P2RY11: variants seen among roughly 807,000 people sequenced by gnomAD.
P2RY11 encodes purinergic receptor P2Y11.
In P2RY11, 3 loss-of-function variants were observed where a neutral mutation model predicts 2.4. That is an observed-to-expected ratio of 1.22 (90% CI 0.56 to 3.17). The LOEUF is 3.17. Ranked by LOEUF, P2RY11 falls within the 30% of genes most tolerant of loss-of-function variation. P2RY11 has a pLI of 0.03. For missense variants in P2RY11, 670 were observed against 528.2 expected, an observed-to-expected ratio of 1.27 and a Z score of -2.63; for synonymous variants, 307 against 237.3, an observed-to-expected ratio of 1.29 and a Z score of -2.70.
In P2RY11 at chr19:10,113,576, A is replaced by G; in HGVS notation, c.20-57A>G. 5.1e-6 allele frequency: 8 copies of G among 1,553,802 alleles called. 1 individual carries two copies. Among genetic ancestry groups the G allele is most frequent in the South Asian group, 2.4e-5 (2 of 83,582 alleles). On this transcript the variant is annotated intron_variant, in intron 1 of 1. Coordinates refer to ENST00000321826, the MANE Select transcript of P2RY11 (RefSeq NM_002566.5). ...CATGGCAGACGTGGGCTCTTGGGGT[A>G]GCAGGAGCCGCCTTATGGGGGAATA...
Position 10,115,349 on chromosome 19 carries a change from T to C in P2RY11, c.*611T>C. The stretch of plus-strand genomic sequence containing the variant: ...TCTGCCCGGTTTTGGAAAAAAACAA[T>C]AAAGGACTGTCCCCTCAAAACCAGC... On this transcript the variant is annotated 3_prime_UTR_variant, in exon 2 of 2. Coordinates refer to ENST00000321826, the MANE Select transcript of P2RY11 (RefSeq NM_002566.5). 2 of 1,207,348 alleles carry C rather than the reference T, an allele frequency of 1.7e-6. No homozygotes were observed. The highest frequency in any genetic ancestry group is 2.3e-6 in the Non-Finnish European group (2 of 869,024). 74.8% of individuals were successfully genotyped at this position (1,207,348 alleles called of 1,614,324 possible). A position where few individuals can be genotyped will look rare whatever the true frequency, so the allele number is the denominator to read the frequency against.
At position 10,113,903 on chromosome 19, in the gene P2RY11, A is replaced by AT. The variant is rs1568490796; in HGVS notation, c.291dup (p.Gly98TrpfsTer109). The AT allele has an allele frequency of 1.4e-5, 23 of 1,607,508 alleles. No individual in the cohort carries two copies. Among genetic ancestry groups the AT allele is most frequent in the Non-Finnish European group, 1.9e-5 (23 of 1,179,792 alleles). On this transcript the variant is annotated frameshift_variant, in exon 2 of 2. Coordinates refer to ENST00000321826, the MANE Select transcript of P2RY11 (RefSeq NM_002566.5). LOFTEE classifies it low-confidence loss of function (END_TRUNC). The stretch of plus-strand genomic sequence containing the variant: ...CTCTATCCCCCCAAGCACTGGCGCT[A>AT]TGGGGAGGCCGCGTGCCGCCTGGAG...
chr19:10,113,682 C>A lies in P2RY11; in HGVS notation c.69C>A (p.Leu23=). The change falls in exon 2 of 2, where the codon CTC becomes CTA. Residue 23 remains leucine (L), a synonymous_variant. Transcript: ENST00000321826. ...ANFLAAADDK[L]SGFQGDFLWP... is the part of the protein sequence containing the mutation. ...TCTTGGCAGCTGCCGACGACAAACT[C>A]AGTGGGTTCCAGGGGGACTTCCTGT... 6.9e-6 allele frequency: 11 copies of A among 1,600,722 alleles called. No individual in the cohort carries two copies. The highest frequency in any genetic ancestry group is 5.1e-5 in the Admixed American group (3 of 58,850).
rs371899379 is a variant in P2RY11, at chr19:10,114,302, G to A, written c.689G>A (p.Arg230Gln). 3.3e-5 allele frequency: 52 copies of A among 1,597,906 alleles called. No homozygotes were observed. The highest frequency in any genetic ancestry group is 1.3e-4 in the East Asian group (6 of 44,776). Residue 230 changes from arginine (R) to glutamine (Q), a missense_variant, in exon 2 of 2, where the codon CGG becomes CAG. By Grantham distance (43) the Arg-to-Gln change is conservative. Transcript: ENST00000321826. Reference sequence around the variant, plus strand: ...CTGGCAGCCTACGGCGCCCTCGGGCGGGCCGTGCTACGCAGCCCAGGCATG... The same window carrying A: ...CTGGCAGCCTACGGCGCCCTCGGGCAGGCCGTGCTACGCAGCCCAGGCATG... ...LTLAAYGALGRAVLRSPGMTV... is the reference protein window; with the variant it reads ...LTLAAYGALGQAVLRSPGMTV...
At position 10,113,687 on chromosome 19, in the gene P2RY11, G is replaced by GA; in HGVS notation, c.74_75insA (p.Phe26ValfsTer13). On this transcript the variant is annotated frameshift_variant, in exon 2 of 2. Transcript: ENST00000321826. LOFTEE classifies it low-confidence loss of function (END_TRUNC). ...GCAGCTGCCGACGACAAACTCAGTG[G>GA]GTTCCAGGGGGACTTCCTGTGGCCC... 3.8e-6 allele frequency: 6 copies of GA among 1,566,298 alleles called. No individual in the cohort carries two copies. The highest frequency in any genetic ancestry group is 1.8e-5 in the Admixed American group (1 of 56,524).
Position 10,114,773 on chromosome 19 carries a change from T to C in P2RY11, c.*35T>C. ...GCGGAAGCTGCCTCCTCACCCTAGGTGTTGCTGGAGAACCCTGAGGGCAGG... is the reference window on the plus strand; with the variant it reads ...GCGGAAGCTGCCTCCTCACCCTAGGCGTTGCTGGAGAACCCTGAGGGCAGG... On this transcript the variant is annotated 3_prime_UTR_variant, in exon 2 of 2. Transcript: ENST00000321826. 6.4e-7 allele frequency: 1 copy of C among 1,564,790 alleles called. No individual in the cohort carries two copies. Among genetic ancestry groups the C allele is most frequent in the Non-Finnish European group, 8.7e-7 (1 of 1,153,494 alleles).
rs189865958 is a variant in P2RY11, at chr19:10,114,501, G to A, written c.888G>A (p.Glu296=). The A allele has an allele frequency of 6.2e-7, 1 of 1,610,066 alleles. No homozygotes were observed. The highest frequency in any genetic ancestry group is 1.3e-5 in the African/African-American group (1 of 74,998). ...ADIAQATAAL[E]LGPYVGYQVM... is the part of the protein sequence containing the mutation. ...TAGCCCAGGCCACAGCAGCCCTGGAGCTGGGGCCCTACGTGGGCTACCAGG... is the reference window on the plus strand; with the variant it reads ...TAGCCCAGGCCACAGCAGCCCTGGAACTGGGGCCCTACGTGGGCTACCAGG... The change falls in exon 2 of 2, where the codon GAG becomes GAA. Residue 296 remains glutamate, a synonymous_variant. Coordinates refer to ENST00000321826, the MANE Select transcript of P2RY11 (RefSeq NM_002566.5).
chr19:10,113,682 C>T lies in P2RY11; in HGVS notation c.69C>T (p.Leu23=), dbSNP rs765733848. The change falls in exon 2 of 2, where the codon CTC becomes CTT. Residue 23 remains leucine (L), a synonymous_variant. Coordinates refer to ENST00000321826, the MANE Select transcript of P2RY11 (RefSeq NM_002566.5). ...TCTTGGCAGCTGCCGACGACAAACT[C>T]AGTGGGTTCCAGGGGGACTTCCTGT... ...ANFLAAADDK[L]SGFQGDFLWP... is the part of the protein sequence containing the mutation. 1.9e-6 allele frequency: 3 copies of T among 1,600,794 alleles called. No individual in the cohort carries two copies. The highest frequency in any genetic ancestry group is 1.7e-4 in the Middle Eastern group (1 of 6,034).
At chr19:10,112,767 T>G (rs1057170215) in intron 1 of P2RY11, among the ~76,000 whole-genome samples, 1 of 152,134 alleles carries the variant, frequency 6.6e-6, no homozygotes. Flanking sequence ...AAACCCCATC[T>G]CTACTAAAAA....
chr19:10,114,727 C>G lies in P2RY11; in HGVS notation c.1114C>G (p.Leu372Val). The change falls in exon 2 of 2, where the codon CTG (leucine) becomes GTG (valine). Residue 372 changes from leucine (L) to valine (V), a missense_variant. Coordinates refer to ENST00000321826, the MANE Select transcript of P2RY11 (RefSeq NM_002566.5). Reference sequence around the variant, plus strand: ...ACCGTCAGAGCCCCAGTCCCGTGAGCTGAGCCAATGATGTGGCCTAGCGGA... The same window carrying G: ...ACCGTCAGAGCCCCAGTCCCGTGAGGTGAGCCAATGATGTGGCCTAGCGGA... ...PKPSEPQSRE[L>V]SQ The G allele has an allele frequency of 6.2e-7, 1 of 1,605,364 alleles. No homozygotes were observed. The highest frequency in any genetic ancestry group is 1.1e-5 in the South Asian group (1 of 90,270).
chr19:10,113,267 C>T (rs977431779), intron 1 of P2RY11, among the ~76,000 whole-genome samples: 2 of 152,146 alleles, frequency 1.3e-5, no homozygotes, highest in South Asian at 2.1e-4. Flanking sequence ...TGGACCCCCA[C>T]GGGGCTTTGG....
rs746215320 is a variant in P2RY11 at position 10,115,152 on chromosome 19, G to T, written c.*414G>T. Reference sequence around the variant, plus strand: ...GGCCTGGGGTAGGGGAGGGTGGCAGGTATAAGACTTCTGGGGGCACCCCAA... The same window carrying T: ...GGCCTGGGGTAGGGGAGGGTGGCAGTTATAAGACTTCTGGGGGCACCCCAA... On this transcript the variant is annotated 3_prime_UTR_variant, in exon 2 of 2. Coordinates refer to ENST00000321826, the MANE Select transcript of P2RY11 (RefSeq NM_002566.5). 1.2e-6 allele frequency: 2 copies of T among 1,613,366 alleles called. No homozygotes were observed. Among genetic ancestry groups the T allele is most frequent in the African/African-American group, 2.7e-5 (2 of 74,910 alleles).
rs1227620006 is a variant in P2RY11 at position 10,113,681 on chromosome 19, TCAGTGGGTTC to T, written c.72_81del (p.Ser24ArgfsTer54). The T allele has an allele frequency of 6.3e-7, 1 of 1,589,274 alleles. No individual in the cohort carries two copies. Among genetic ancestry groups the T allele is most frequent in the African/African-American group, 1.4e-5 (1 of 74,012 alleles). On this transcript the variant is annotated frameshift_variant, in exon 2 of 2. Coordinates refer to ENST00000321826, the MANE Select transcript of P2RY11 (RefSeq NM_002566.5). LOFTEE classifies it low-confidence loss of function (END_TRUNC). ...TTCTTGGCAGCTGCCGACGACAAAC[TCAGTGGGTTC>T]CAGGGGGACTTCCTGTGGCCCATAC...
chr19:10,115,100 C>T lies in P2RY11; in HGVS notation c.*362C>T, dbSNP rs775192584. The stretch of plus-strand genomic sequence containing the variant: ...CGCCAAGGGTCCCGGACCGAGTACA[C>T]AGTGGCAGCTGGCTTAGTTGGTGGA... On this transcript the variant is annotated 3_prime_UTR_variant, in exon 2 of 2. Coordinates refer to ENST00000321826, the MANE Select transcript of P2RY11 (RefSeq NM_002566.5). 354 of 1,613,850 alleles carry T rather than the reference C, an allele frequency of 2.2e-4. No individual in the cohort carries two copies. The Middle Eastern group carries it at 2.5e-3, about 11-fold the overall frequency.
intron 1 of P2RY11, among the ~76,000 whole-genome samples, chr19:10,112,895 T>A (rs961757718): frequency 1.3e-4 from 19 of 151,914 alleles, no homozygotes. Flanking sequence ...TGAGCTGAAG[T>A]CACATCATTG....
chr19:10,113,508 C>T (rs2089163142), intron 1 of P2RY11, 125 bp from the exon 2 acceptor site: 3 of 1,405,266 alleles, frequency 2.1e-6, no homozygotes, highest in Non-Finnish European at 2.9e-6. Context: ...GAGCCCGGTC[C>T]CCCTCCAGGG....
rs1241470168 is a variant in P2RY11, at chr19:10,114,848, C to T, written c.*110C>T. ...CCCCAAAAAGCAACACCTGTGCTTGCAGCCAGGTCAGGCCCAGCTGCAGCC... is the reference window on the plus strand; with the variant it reads ...CCCCAAAAAGCAACACCTGTGCTTGTAGCCAGGTCAGGCCCAGCTGCAGCC... On this transcript the variant is annotated 3_prime_UTR_variant, in exon 2 of 2. Coordinates refer to ENST00000321826, the MANE Select transcript of P2RY11 (RefSeq NM_002566.5). The T allele has an allele frequency of 3.4e-6, 5 of 1,482,762 alleles. No homozygotes were observed. Among genetic ancestry groups the T allele is most frequent in the African/African-American group, 1.4e-5 (1 of 71,310 alleles). 91.9% of individuals were successfully genotyped at this position (1,482,762 alleles called of 1,614,324 possible).
rs373951465 is a variant in P2RY11, at chr19:10,114,267, G to A, written c.654G>A (p.Leu218=). 1.4e-5 allele frequency: 22 copies of A among 1,598,296 alleles called. No individual in the cohort carries two copies. In the African/African-American group the frequency reaches 2.5e-4, roughly 18 times the overall value. The change falls in exon 2 of 2, where the codon CTG becomes CTA. Residue 218 remains leucine (L), a synonymous_variant. Transcript: ENST00000321826. ...CGGGGTTGGGCTGCGGCCTGCCGCTGCTGCTCACGCTGGCAGCCTACGGCG... is the reference window on the plus strand; with the variant it reads ...CGGGGTTGGGCTGCGGCCTGCCGCTACTGCTCACGCTGGCAGCCTACGGCG... The part of the protein sequence containing the change: ...VLAGLGCGLP[L]LLTLAAYGAL...
chr19:10,113,672 A>T lies in P2RY11; in HGVS notation c.59A>T (p.Asp20Val). ...CCTGCCAACTTCTTGGCAGCTGCCG[A>T]CGACAAACTCAGTGGGTTCCAGGGG... ...SCPANFLAAA[D>V]DKLSGFQGDF... The change falls in exon 2 of 2, where the codon GAC becomes GTC. Residue 20 changes from aspartate (D) to valine (V), a missense_variant. Asp to Val is a radical substitution (Grantham distance 152). Coordinates refer to ENST00000321826, the MANE Select transcript of P2RY11 (RefSeq NM_002566.5). 1 of 1,613,462 alleles carries T rather than the reference A, an allele frequency of 6.2e-7. No individual in the cohort carries two copies. Among genetic ancestry groups the T allele is most frequent in the Non-Finnish European group, 8.5e-7 (1 of 1,179,572 alleles).
Sources: gnomAD v4.1 joint callset for allele counts (sites outside exome capture counted in the v4.1 genomes callset) on GRCh38, gnomAD v4.1.1 for gene constraint, MANE v1.5 for transcripts, NCBI Gene and HGNC (gene_info 2026-07-23, HGNC 2026-07-21) for gene names.